The following NUP54 variants were observed in gnomAD, a reference collection of about 807,000 sequenced individuals.
NUP54 encodes the protein nucleoporin p54.
In NUP54, 27 loss-of-function variants were observed where a neutral mutation model predicts 66.4. The ratio of observed to expected loss-of-function variants is 0.41; its 90% CI spans 0.30 to 0.56. NUP54 has a LOEUF of 0.56. NUP54 is among the 20% of genes least tolerant of loss of function. NUP54 has a pLI of 0.34. For synonymous variants in NUP54, 206 were observed against 210.7 expected, an observed-to-expected ratio of 0.98 and a Z score of 0.19; for missense variants, 486 against 596.3, an observed-to-expected ratio of 0.82 and a Z score of 1.93.
intron 8 of NUP54, among the ~76,000 whole-genome samples, chr4:76,125,832 GAGA>G (rs1219944010): frequency 1.1e-4 from 6 of 55,392 alleles, no homozygotes; most frequent in Admixed American, 1.6e-4. Flanking sequence ...GAAAGGGGGA[GAGA>G]GGGAGAGAGG....
chr4:76,126,377 T>C (rs1730539408), intron 8 of NUP54, among the ~76,000 whole-genome samples: 1 of 152,216 alleles, frequency 6.6e-6, no homozygotes. Context: ...GAGGTTAAGA[T>C]TGTGCAAGAC....
intron 9 of NUP54, among the ~76,000 whole-genome samples, chr4:76,118,960 C>G (rs557393864): frequency 6.6e-6 from 1 of 151,916 alleles, no homozygotes; most frequent in Non-Finnish European, 1.5e-5. Flanking sequence ...GAGCCTAGAT[C>G]GCGCCACTGC....
intron 9 of NUP54, among the ~76,000 whole-genome samples, chr4:76,120,381 G>T (rs4859616): frequency 0.48 from 72,139 of 150,188 alleles, 18,338 homozygotes; most frequent in East Asian, 0.89. Context: ...AGGTGGTGGT[G>T]GTTTAAATTT....
At chr4:76,126,318 ATAAT>A (rs1206375613) in intron 8 of NUP54, among the ~76,000 whole-genome samples, 2 of 152,214 alleles carry the variant, frequency 1.3e-5, no homozygotes, top group Non-Finnish European at 2.9e-5. Flanking sequence ...TGTCTCTATC[ATAAT>A]TAATCATTCT....
intron 9 of NUP54, among the ~76,000 whole-genome samples, chr4:76,119,209 A>T (rs941683862): frequency 6.6e-6 from 1 of 152,340 alleles, no homozygotes; most frequent in Admixed American, 6.5e-5. Context: ...AAGAAACAAT[A>T]CGAGAATGTA....
At chr4:76,122,565 AAT>A (rs1730280435) in intron 9 of NUP54, among the ~76,000 whole-genome samples, 1 of 152,212 alleles carries the variant, frequency 6.6e-6, no homozygotes, top group African/African-American at 2.4e-5. Flanking sequence ...ATCTCTTTAA[AAT>A]AGCTGTTTAT....
At chr4:76,144,579 T>C in intron 1 of NUP54, 106 bp from the exon 2 acceptor site, 13 of 822,556 alleles carry the variant, frequency 1.6e-5, no homozygotes, top group Non-Finnish European at 2.3e-5. Context: ...TCAAAATATA[T>C]TGATCTAATT....
intron 1 of NUP54, chr4:76,147,511 G>C (rs1731554081): frequency 7.8e-7 from 1 of 1,289,500 alleles, no homozygotes; most frequent in Admixed American, 2.3e-5. Context: ...AAAATTGAAC[G>C]GAGTCGCCGA....
intron 10 of NUP54, 54 bp from the exon 11 acceptor site, chr4:76,117,828 CAAT>C: frequency 7.2e-7 from 1 of 1,382,772 alleles, no homozygotes; most frequent in Non-Finnish European, 1.0e-6. Flanking sequence ...TTGTAAAAGA[CAAT>C]GTTTTCTTCT....
At chr4:76,147,701 A>C in intron 1 of NUP54, 5 of 1,188,270 alleles carry the variant, frequency 4.2e-6, no homozygotes, top group Non-Finnish European at 5.5e-6. Context: ...AAAAGAAAAG[A>C]AAGCAAGATA....
At position 76,118,080 on chromosome 4, in the gene NUP54, A is replaced by T. The variant is rs1730034134; in HGVS notation, c.1279T>A (p.Phe427Ile). 3 of 1,614,004 alleles carry T rather than the reference A, an allele frequency of 1.9e-6. No homozygotes were observed. The highest frequency in any genetic ancestry group is 2.5e-6 in the Non-Finnish European group (3 of 1,179,958). Reference sequence around the variant, plus strand: ...ATGGTCTTAGAAGTGGTTACCTTGAACTGAGTAGGTGCATTTAGTTCACCC... The same window carrying T: ...ATGGTCTTAGAAGTGGTTACCTTGATCTGAGTAGGTGCATTTAGTTCACCC... ...IQGELNAPTQ[F>I]KGRLNELMSQ... The change falls in exon 10 of 12, where the codon TTC becomes ATC. Residue 427 changes from phenylalanine to isoleucine, a missense_variant. Physicochemically the swap from Phe to Ile is conservative, Grantham distance 21 (BLOSUM62 0). Transcript: ENST00000264883.
At chr4:76,134,532 T>C (rs192626291) in intron 4 of NUP54, among the ~76,000 whole-genome samples, 170 bp from the exon 5 acceptor site, 104 of 152,246 alleles carry the variant, frequency 6.8e-4, no homozygotes, top group Non-Finnish European at 7.4e-5. Context: ...CACAAAATTA[T>C]AAAGAAAAAC....
chr4:76,138,959 A>T (rs974156800), intron 3 of NUP54, among the ~76,000 whole-genome samples: 1 of 152,098 alleles, frequency 6.6e-6, no homozygotes, highest in East Asian at 1.9e-4. Context: ...TAAAGATCAA[A>T]TTTTTTTTAA....
intron 4 of NUP54, among the ~76,000 whole-genome samples, 189 bp from the exon 5 acceptor site, chr4:76,134,551 C>T (rs1318283667): frequency 6.6e-6 from 1 of 151,830 alleles, no homozygotes; most frequent in Non-Finnish European, 1.5e-5. Flanking sequence ...ACTATTTTAC[C>T]CAGGAATAAC....
chr4:76,134,251 A>G lies in NUP54; in HGVS notation c.634T>C (p.Ser212Pro). Residue 212 changes from serine to proline, a missense_variant, in exon 5 of 12, where the codon TCA (serine) becomes CCA (proline). This residue lies in a region of NUP54 where 217 missense variants were observed against 247.9 expected (regional missense o/e 0.88). Coordinates refer to ENST00000264883, the MANE Select transcript of NUP54 (RefSeq NM_017426.4). ...TTTCCTCCCAAAACTTTATGCAATG[A>G]TTCTACCAACTGTTGTTGTTGGCTT... is the stretch of plus-strand genomic sequence containing the variant. Reference protein sequence around the residue: ...IRSQQQQLVESLHKVLGGNQT... With the variant: ...IRSQQQQLVEPLHKVLGGNQT... 1 of 1,613,840 alleles carries G rather than the reference A, an allele frequency of 6.2e-7. No individual in the cohort carries two copies. Among genetic ancestry groups the G allele is most frequent in the Non-Finnish European group, 8.5e-7 (1 of 1,179,822 alleles).
At chr4:76,124,978 T>C (rs1197227130) in intron 8 of NUP54, among the ~76,000 whole-genome samples, 1 of 152,036 alleles carries the variant, frequency 6.6e-6, no homozygotes, top group African/African-American at 2.4e-5. Context: ...TCTAGGAAAT[T>C]TAGCAATGAG....
At chr4:76,133,663 A>G (rs550560226) in intron 5 of NUP54, among the ~76,000 whole-genome samples, 1 of 152,340 alleles carries the variant, frequency 6.6e-6, no homozygotes, top group Non-Finnish European at 1.5e-5. Flanking sequence ...TGTAAATGTT[A>G]TTTACTATAG....
At chr4:76,117,578 C>G in intron 11 of NUP54, 86 bp downstream of exon 11, 1 of 810,938 alleles carries the variant, frequency 1.2e-6, no homozygotes, top group Non-Finnish European at 2.0e-6. Context: ...CTCACTAACA[C>G]TTTTCTTATT....
chr4:76,119,710 G>A (rs74346606), intron 9 of NUP54, among the ~76,000 whole-genome samples: 2,347 of 151,912 alleles, frequency 0.015, 55 homozygotes, highest in African/African-American at 0.053. Context: ...ACAATGCATC[G>A]GGGGAAAGGG....
Sources: allele counts gnomAD v4.1 joint callset (sites outside exome capture counted in the v4.1 genomes callset), GRCh38; gene constraint gnomAD v4.1.1; regional missense constraint gnomAD v4.1.1; transcripts MANE v1.5; gene names NCBI Gene and HGNC (gene_info 2026-07-23, HGNC 2026-07-21).